EFEMP1: variants seen among roughly 807,000 people sequenced by gnomAD.
EFEMP1 encodes the protein EGF-like fibulin extracellular matrix protein 1, also known as EGF-containing fibulin-like extracellular matrix protein 1.
Under a neutral mutation model 65.7 loss-of-function variants are expected in EFEMP1, and 18 were observed. That is an observed-to-expected ratio of 0.27 (90% confidence interval 0.19 to 0.41). EFEMP1 has a LOEUF of 0.41. Among genes scored for constraint, EFEMP1 ranks in the 10% least tolerant of loss-of-function variants. The probability of loss-of-function intolerance (pLI) is 1.00; values close to 1 mark genes in which losing one functional copy is unlikely to be tolerated. For missense variants in EFEMP1, 469 were observed against 624.8 expected (o/e 0.75, Z 2.66); for synonymous variants, 237 against 219.7 (o/e 1.08, Z -0.70).
At chr2:55,896,016 T>G (rs1489294181) in intron 5 of EFEMP1, among the ~76,000 whole-genome samples, 1 of 152,170 alleles carries the variant, frequency 6.6e-6, no homozygotes, top group African/African-American at 2.4e-5. Flanking sequence ...CACCAAAGTC[T>G]GGCATTCTCC....
At position 55,866,909 on chromosome 2, in the gene EFEMP1, A is replaced by G. The variant is rs1668597679; in HGVS notation, c.*164T>C. 4.7e-6 allele frequency: 4 copies of G among 854,982 alleles called. No individual in the cohort carries two copies. Among genetic ancestry groups the G allele is most frequent in the Non-Finnish European group, 7.2e-6 (4 of 557,656 alleles). 53.0% of individuals were successfully genotyped at this position (854,982 alleles called of 1,614,324 possible). ...ATAAAGACAAACTTTGAATCTTTAC[A>G]TATTAAATGCCCACTTTATACCATG... On this transcript the variant is annotated 3_prime_UTR_variant, in exon 12 of 12. Coordinates refer to ENST00000355426, the MANE Select transcript of EFEMP1 (RefSeq NM_001039348.3).
chr2:55,879,838 T>C (rs1370201630), intron 6 of EFEMP1, among the ~76,000 whole-genome samples: 1 of 152,196 alleles, frequency 6.6e-6, no homozygotes, highest in Non-Finnish European at 1.5e-5. Flanking sequence ...ATTATTTTTA[T>C]TGTGCTTTAC....
intron 5 of EFEMP1, among the ~76,000 whole-genome samples, chr2:55,897,860 T>G (rs1669887210): frequency 1.3e-5 from 2 of 152,196 alleles, no homozygotes; most frequent in Admixed American, 6.5e-5. Flanking sequence ...ATTTGCAGAA[T>G]GGATGGTAGG....
chr2:55,909,895 C>T (rs1670417699), intron 5 of EFEMP1, among the ~76,000 whole-genome samples: 1 of 152,134 alleles, frequency 6.6e-6, no homozygotes, highest in Non-Finnish European at 1.5e-5. Flanking sequence ...CTTCCTTCTA[C>T]CTTGACTCTA....
chr2:55,872,580 G>T (rs1236375147), intron 9 of EFEMP1, among the ~76,000 whole-genome samples: 1 of 152,038 alleles, frequency 6.6e-6, no homozygotes. Context: ...ACAAATAAGG[G>T]TTTAGTGGCT....
chr2:55,874,779 C>A (rs2104378521), intron 9 of EFEMP1, among the ~76,000 whole-genome samples, 167 bp downstream of exon 9: 1 of 151,830 alleles, frequency 6.6e-6, no homozygotes, highest in African/African-American at 2.4e-5. Flanking sequence ...CATAGAATCA[C>A]CTCTTTATGA....
At chr2:55,884,047 T>G (rs998225834) in intron 5 of EFEMP1, among the ~76,000 whole-genome samples, 1 of 152,252 alleles carries the variant, frequency 6.6e-6, no homozygotes, top group South Asian at 2.1e-4. Flanking sequence ...CTCATAAAAT[T>G]GTCAAAAAAG....
Position 55,870,819 on chromosome 2 carries a change from T to G in EFEMP1, c.1221A>C (p.Pro407=), listed in dbSNP as rs775180017. 8 of 1,613,888 alleles carry G rather than the reference T, an allele frequency of 5.0e-6. No individual in the cohort carries two copies. In the South Asian group the frequency reaches 8.8e-5, roughly 18 times the overall value. The change falls in exon 11 of 12, where the codon CCA becomes CCC. Residue 407 remains proline, a synonymous_variant. Transcript: ENST00000355426. The surrounding 1 kb of genome is among the most constrained non-coding windows in gnomAD (Gnocchi z 5.8). ...YMSIRSDRSV[P]SDIFQIQATT... ...TGGCCTGTATCTGGAAGATGTCTGA[T>G]GGCACAGACCTATCAGATCGGATGC...
intron 5 of EFEMP1, among the ~76,000 whole-genome samples, chr2:55,913,222 C>A (rs373049827): frequency 6.6e-6 from 1 of 152,158 alleles, no homozygotes; most frequent in Non-Finnish European, 1.5e-5. Flanking sequence ...TCCTATTTGC[C>A]TGGGACAAAG....
chr2:55,869,146 A>T (rs2104365375), intron 11 of EFEMP1, among the ~76,000 whole-genome samples: 1 of 152,304 alleles, frequency 6.6e-6, no homozygotes. Context: ...ACTGATATGA[A>T]TAATAAATAA....
chr2:55,893,677 T>A (rs947624526), intron 5 of EFEMP1, among the ~76,000 whole-genome samples: 1 of 152,208 alleles, frequency 6.6e-6, no homozygotes, highest in Non-Finnish European at 1.5e-5. Context: ...TACTTAACAG[T>A]GTGAAGACTT....
Position 55,870,310 on chromosome 2 carries a change from A to C in EFEMP1, c.1320+410T>G, listed in dbSNP as rs1668753834. Among the ~76,000 whole-genome samples the C allele has an allele frequency of 7.1e-6, 1 of 141,492 alleles. No individual in the cohort carries two copies. Among genetic ancestry groups the C allele is most frequent in the Non-Finnish European group, 1.5e-5 (1 of 66,224 alleles). 92.8% of individuals were successfully genotyped at this position (141,492 alleles called of 152,430 possible). On this transcript the variant is annotated intron_variant, in intron 11 of 11. Transcript: ENST00000355426. The surrounding 1 kb of genome is among the most constrained non-coding windows in gnomAD (Gnocchi z 5.8). Reference sequence around the variant, plus strand: ...TTGGGTTTGAATTATATGTATGTCTATGTATAATTAATTAACCATCAATGA... The same window carrying C: ...TTGGGTTTGAATTATATGTATGTCTCTGTATAATTAATTAACCATCAATGA...
At chr2:55,905,685 G>A (rs966534382) in intron 5 of EFEMP1, among the ~76,000 whole-genome samples, 9 of 152,166 alleles carry the variant, frequency 5.9e-5, no homozygotes, top group African/African-American at 1.9e-4. Context: ...CCGACCTCAG[G>A]TGATCTGTCT....
At chr2:55,898,387 T>C (rs1022248928) in intron 5 of EFEMP1, among the ~76,000 whole-genome samples, 1 of 152,208 alleles carries the variant, frequency 6.6e-6, no homozygotes, top group Admixed American at 6.5e-5. Flanking sequence ...GAATTATCTA[T>C]TATAAATAAT....
intron 8 of EFEMP1, among the ~76,000 whole-genome samples, chr2:55,875,637 C>T (rs562743602): frequency 2.6e-5 from 4 of 152,140 alleles, no homozygotes; most frequent in South Asian, 4.1e-4. Context: ...TTGTGGTTGA[C>T]GGCCTTCATT....
rs1264069411 is a variant in EFEMP1 at position 55,870,534 on chromosome 2, GGCAGTGTTACCAA to G, written c.1320+173_1320+185del. ...TGGAGATGAATATTAATATCTATCT[GGCAGTGTTACCAA>G]GAGGAATAAATGAAATAATGTAGCT... On this transcript the variant is annotated intron_variant, in intron 11 of 11. Transcript: ENST00000355426. The surrounding 1 kb of genome is among the most constrained non-coding windows in gnomAD (Gnocchi z 5.8). Among the ~76,000 whole-genome samples the G allele has an allele frequency of 1.3e-5, 2 of 151,964 alleles. No homozygotes were observed. The highest frequency in any genetic ancestry group is 2.9e-5 in the Non-Finnish European group (2 of 67,974).
At chr2:55,896,454 C>T (rs545350050) in intron 5 of EFEMP1, among the ~76,000 whole-genome samples, 6 of 152,260 alleles carry the variant, frequency 3.9e-5, no homozygotes, top group East Asian at 3.9e-4. Context: ...TGGCCTGAAA[C>T]GATGCATTAC....
chr2:55,877,316 T>C lies in EFEMP1; in HGVS notation c.760+430A>G, dbSNP rs1029589561. On this transcript the variant is annotated intron_variant, in intron 7 of 11. Transcript: ENST00000355426. This position sits in a 1 kb window ranked among gnomAD's most constrained non-coding sequence, Gnocchi z 4.5. ...GGCATTTTTCCTACACTAGATTTTT[T>C]CCATGTCATGCCAATCTTTTAATTG... 1.3e-5 allele frequency among the ~76,000 whole-genome samples: 2 copies of C among 152,192 alleles called. No individual in the cohort carries two copies. Among genetic ancestry groups the C allele is most frequent in the Admixed American group, 6.5e-5 (1 of 15,270 alleles).
rs1174140306 is a variant in EFEMP1 at position 55,917,152 on chromosome 2, G to A, written c.517+513C>T. ...CTTGAGAAACCAAAGGGGTACATCTGTAGAGTAGCTTGACAGCATAATTTC... is the reference window on the plus strand; with the variant it reads ...CTTGAGAAACCAAAGGGGTACATCTATAGAGTAGCTTGACAGCATAATTTC... On this transcript the variant is annotated intron_variant, in intron 5 of 11. Transcript: ENST00000355426. The surrounding 1 kb of genome is among the most constrained non-coding windows in gnomAD (Gnocchi z 6.3). Among the ~76,000 whole-genome samples the A allele has an allele frequency of 6.6e-6, 1 of 152,200 alleles. No individual in the cohort carries two copies. Among genetic ancestry groups the A allele is most frequent in the Non-Finnish European group, 1.5e-5 (1 of 68,016 alleles).
Sources: allele counts gnomAD v4.1 joint callset (sites outside exome capture counted in the v4.1 genomes callset), GRCh38; gene constraint gnomAD v4.1.1; non-coding constraint Gnocchi (gnomAD v3.1); transcripts MANE v1.5; gene names NCBI Gene and HGNC (gene_info 2026-07-23, HGNC 2026-07-21).